Variants in SUN3 observed in about 807,000 individuals in gnomAD.
SUN3 encodes the protein SUN domain-containing protein 3.
SUN3 carries 36 observed loss-of-function variants against 48.2 expected under a neutral mutation model. The ratio of observed to expected loss-of-function variants is 0.75; its 90% CI spans 0.57 to 0.99. The LOEUF is 0.99. SUN3 is among the 50% of genes least tolerant of loss of function. SUN3 has a pLI of 0.00. For synonymous variants in SUN3, 148 were observed against 147.9 expected (o/e 1.00, Z 0.00); for missense variants, 419 against 433.1 (o/e 0.97, Z 0.29).
intron 3 of SUN3, 54 bp from the exon 4 acceptor site, chr7:48,009,129 G>T: frequency 6.5e-7 from 1 of 1,528,908 alleles, no homozygotes; most frequent in Non-Finnish European, 8.9e-7. Context: ...TTCAAATAGA[G>T]TCTTTTTTTT....
chr7:48,032,415 C>G (rs1450741581), upstream of SUN3, among the ~76,000 whole-genome samples: 1 of 152,082 alleles, frequency 6.6e-6, no homozygotes, highest in Non-Finnish European at 1.5e-5. Flanking sequence ...AATTATATCT[C>G]AATAAAGTTG....
chr7:47,998,941 T>G (rs1180290948), intron 6 of SUN3, among the ~76,000 whole-genome samples: 2 of 152,188 alleles, frequency 1.3e-5, no homozygotes, highest in Admixed American at 6.5e-5. Context: ...GTTCTCCAAC[T>G]TTGTCTCTTT....
chr7:47,994,003 A>C (rs886905400), intron 8 of SUN3, among the ~76,000 whole-genome samples: 2 of 152,152 alleles, frequency 1.3e-5, no homozygotes, highest in African/African-American at 4.8e-5. Flanking sequence ...AAACATCTAA[A>C]ATTGTTGCAA....
intron 8 of SUN3, among the ~76,000 whole-genome samples, chr7:47,989,280 TA>T (rs1349996442): frequency 3.3e-5 from 5 of 152,158 alleles, no homozygotes; most frequent in African/African-American, 1.2e-4. Context: ...TTGAATAAAA[TA>T]AAAATGCGTC....
intron 8 of SUN3, among the ~76,000 whole-genome samples, chr7:47,989,565 C>A (rs1355950590): frequency 6.6e-6 from 1 of 152,128 alleles, no homozygotes; most frequent in Non-Finnish European, 1.5e-5. Context: ...GCAAAATAAA[C>A]AGTACATTCA....
intron 8 of SUN3, among the ~76,000 whole-genome samples, chr7:47,992,890 C>T (rs771104877): frequency 7.2e-5 from 11 of 152,078 alleles, no homozygotes; most frequent in African/African-American, 2.4e-4. Context: ...CAGTGGCTCA[C>T]GTCTGTAATC....
At chr7:48,030,049 T>C (rs1790234578), upstream of SUN3, among the ~76,000 whole-genome samples, 1 of 152,230 alleles carries the variant, frequency 6.6e-6, no homozygotes, top group Admixed American at 6.5e-5. Context: ...TTCTGGACTA[T>C]TTTTCAGCCA....
At chr7:48,019,977 CA>C (rs869166401) in intron 2 of SUN3, among the ~76,000 whole-genome samples, 2,233 of 64,192 alleles carry the variant, frequency 0.035, 7 homozygotes, top group East Asian at 0.055. Context: ...AAAGACACAT[CA>C]AAAAAAAAAA....
chr7:48,009,870 T>C (rs1251216261), intron 3 of SUN3, among the ~76,000 whole-genome samples: 3 of 152,036 alleles, frequency 2.0e-5, no homozygotes, highest in Admixed American at 1.3e-4. Context: ...TCACCTGGAA[T>C]GGGGGAATGG....
Position 47,994,478 on chromosome 7 carries a change from T to G in SUN3, c.698A>C (p.Asp233Ala). 1 of 1,591,070 alleles carries G rather than the reference T, an allele frequency of 6.3e-7. No individual in the cohort carries two copies. The highest frequency in any genetic ancestry group is 8.5e-7 in the Non-Finnish European group (1 of 1,173,098). Reference sequence around the variant, plus strand: ...AGCCCAGCACTTTCCAGGGTAGACATCCGGCTGGAAAGAAAACACTGAATT... The same window carrying G: ...AGCCCAGCACTTTCCAGGGTAGACAGCCGGCTGGAAAGAAAACACTGAATT... ...EMPPDIILQP[D>A]VYPGKCWAFP... The change falls in exon 8 of 10, where the codon GAT (aspartate) becomes GCT (alanine). Residue 233 changes from aspartate (D) to alanine (A), a missense_variant. Asp to Ala is a moderately radical substitution (Grantham distance 126, BLOSUM62 -2). Transcript: ENST00000297325.
At chr7:48,000,870 T>A (rs1335951290) in intron 6 of SUN3, among the ~76,000 whole-genome samples, 2 of 150,728 alleles carry the variant, frequency 1.3e-5, no homozygotes, top group East Asian at 3.9e-4. Flanking sequence ...AATTTATGGT[T>A]TTTTTTTTTT....
At chr7:47,992,968 T>C (rs758608202) in intron 8 of SUN3, among the ~76,000 whole-genome samples, 14 of 151,862 alleles carry the variant, frequency 9.2e-5, no homozygotes, top group South Asian at 4.2e-4. Context: ...CTGGGCAACA[T>C]AATAAGACCC....
upstream of SUN3, among the ~76,000 whole-genome samples, chr7:48,033,845 G>C (rs1266771558): frequency 3.3e-5 from 5 of 152,206 alleles, no homozygotes; most frequent in African/African-American, 1.2e-4. Flanking sequence ...CACGAGGTCA[G>C]GAGTATGAGA....
chr7:48,015,206 A>C (rs117341111), intron 3 of SUN3, among the ~76,000 whole-genome samples: 40 of 152,268 alleles, frequency 2.6e-4, no homozygotes, highest in Non-Finnish European at 4.6e-4. Flanking sequence ...TGACCTAACT[A>C]TCCAGCTTCA....
intron 2 of SUN3, among the ~76,000 whole-genome samples, chr7:48,020,408 G>A (rs370523528): frequency 1.8e-4 from 28 of 152,242 alleles, no homozygotes; most frequent in African/African-American, 6.3e-4. Flanking sequence ...CCTGGAACAC[G>A]ACAAGGTTGC....
At position 48,026,581 on chromosome 7, in the gene SUN3, A is replaced by AACACACACACACACAC. The variant is rs112192395; in HGVS notation, c.123-659_123-644dup. ...TGGACTGAATTGCACCCCACCCCCC[A>AACACACACACACACAC]ACACACACACACACACACACACACA... On this transcript the variant is annotated intron_variant, in intron 1 of 9. Transcript: ENST00000297325. Among the ~76,000 whole-genome samples, 366 of 145,720 alleles carry AACACACACACACACAC rather than the reference A, an allele frequency of 2.5e-3. 4 individuals carry two copies. Among genetic ancestry groups the AACACACACACACACAC allele is most frequent in the African/African-American group, 8.6e-3 (339 of 39,390 alleles).
rs547227853 is a variant in SUN3 at position 48,025,860 on chromosome 7, T to C, written c.184+17A>G. On this transcript the variant is annotated intron_variant, in intron 2 of 9. Coordinates refer to ENST00000297325, the MANE Select transcript of SUN3 (RefSeq NM_001030019.2). ...CCTGTGGAATGGTTTTAAGGATCAT[T>C]ACTTAGGAAGACTTACCTACAAGAA... is the stretch of plus-strand genomic sequence containing the variant. 29 of 1,552,980 alleles carry C rather than the reference T, an allele frequency of 1.9e-5. No individual in the cohort carries two copies. In the African/African-American group the frequency reaches 3.9e-4, roughly 21 times the overall value.
At position 47,987,269 on chromosome 7, in the gene SUN3, TA is replaced by T; in HGVS notation, c.*60del. 1 of 1,564,526 alleles carries T rather than the reference TA, an allele frequency of 6.4e-7. No individual in the cohort carries two copies. The highest frequency in any genetic ancestry group is 1.2e-5 in the South Asian group (1 of 82,298). ...CAATTCCTATGGGTGCGGTATCATC[TA>T]AGAGAATAAGCATTCTTGAATATTC... On this transcript the variant is annotated 3_prime_UTR_variant, in exon 10 of 10. Coordinates refer to ENST00000297325, the MANE Select transcript of SUN3 (RefSeq NM_001030019.2).
chr7:47,990,493 C>T (rs1209197119), intron 8 of SUN3, among the ~76,000 whole-genome samples: 11 of 152,020 alleles, frequency 7.2e-5, no homozygotes, highest in African/African-American at 2.2e-4. Context: ...CTGGTGCCGG[C>T]GCGGGTCCTC....
Sources: gnomAD v4.1 joint callset for allele counts (sites outside exome capture counted in the v4.1 genomes callset) on GRCh38, gnomAD v4.1.1 for gene constraint, MANE v1.5 for transcripts, NCBI Gene and HGNC (gene_info 2026-07-23, HGNC 2026-07-21) for gene names.